Variants in BTBD3 observed in about 807,000 individuals in gnomAD.
BTBD3 encodes BTB/POZ domain-containing protein 3.
BTBD3 carries 14 observed loss-of-function variants against 41.6 expected under a neutral mutation model. That is an observed-to-expected ratio of 0.34 (90% confidence interval 0.22 to 0.53). BTBD3 has a LOEUF of 0.53. BTBD3 is among the 20% of genes least tolerant of loss of function. The pLI, the probability that BTBD3 is intolerant of heterozygous loss-of-function variation, is 0.95. For synonymous variants in BTBD3, 249 were observed against 233.7 expected, an observed-to-expected ratio of 1.07 and a Z score of -0.60; for missense variants, 426 against 654.7, an observed-to-expected ratio of 0.65 and a Z score of 3.81.
chr20:11,896,013 G>T lies in BTBD3; in HGVS notation c.-126+5059G>T, dbSNP rs559345407. On this transcript the variant is annotated intron_variant, in intron 1 of 4. Transcript: ENST00000254977. ...CTTACTGTCACTTAAGTGGGGTTTA[G>T]GGAAAGGGTGTAATTGGATATGTGT... 5.9e-5 allele frequency among the ~76,000 whole-genome samples: 9 copies of T among 152,274 alleles called. No homozygotes were observed. The South Asian group carries it at 1.0e-3, about 18-fold the overall frequency.
In BTBD3 at chr20:11,923,486, A is replaced by G. The variant is rs1466466492; in HGVS notation, c.1389A>G (p.Pro463=). 1.2e-6 allele frequency: 2 copies of G among 1,613,912 alleles called. No individual in the cohort carries two copies. Among genetic ancestry groups the G allele is most frequent in the Non-Finnish European group, 1.7e-6 (2 of 1,180,000 alleles). The part of the protein sequence containing the change: ...VWFEYPVQIE[P]DTFYTASVIL... ...TTGAATACCCAGTGCAGATCGAGCC[A>G]GACACCTTCTACACAGCCAGTGTGA... The change falls in exon 4 of 4, where the codon CCA becomes CCG. Residue 463 remains proline (P), a synonymous_variant. Coordinates refer to ENST00000378226, the MANE Select transcript of BTBD3 (RefSeq NM_014962.4). The surrounding 1 kb of genome is among the most constrained non-coding windows in gnomAD (Gnocchi z 5.3).
At chr20:11,896,009 T>G (rs2056784664) in intron 1 of BTBD3, among the ~76,000 whole-genome samples, 1 of 152,096 alleles carries the variant, frequency 6.6e-6, no homozygotes, top group South Asian at 2.1e-4. Context: ...TTAAGTGGGG[T>G]TTAGGGAAAG....
chr20:11,918,982 G>A, intron 1 of BTBD3, 104 bp from the exon 2 acceptor site: 1 of 803,362 alleles, frequency 1.2e-6, no homozygotes, highest in East Asian at 2.7e-5. Context: ...TGAAGTTACT[G>A]GACTGTTGCT....
intron 1 of BTBD3, among the ~76,000 whole-genome samples, chr20:11,911,556 C>T (rs2056889640): frequency 6.6e-6 from 1 of 151,572 alleles, no homozygotes; most frequent in Non-Finnish European, 1.5e-5. Flanking sequence ...CTAAGGATAG[C>T]CCATGAGCTA....
chr20:11,900,471 T>C lies in BTBD3; in HGVS notation c.-126+9517T>C, dbSNP rs78781027. On this transcript the variant is annotated intron_variant, in intron 1 of 4. Transcript: ENST00000254977. Reference sequence around the variant, plus strand: ...TGTTGCCTTTGTGAGAGTTTTTGTCTTTTAATGCCACCTAATTTCTTCTAC... The same window carrying C: ...TGTTGCCTTTGTGAGAGTTTTTGTCCTTTAATGCCACCTAATTTCTTCTAC... Among the ~76,000 whole-genome samples the C allele has an allele frequency of 3.8e-4, 58 of 152,340 alleles. No individual in the cohort carries two copies. The East Asian group carries it at 9.1e-3, about 24-fold the overall frequency.
rs768897473 is a variant in BTBD3, at chr20:11,923,144, C to T, written c.1047C>T (p.Phe349=). 1 of 1,614,184 alleles carries T rather than the reference C, an allele frequency of 6.2e-7. No individual in the cohort carries two copies. The highest frequency in any genetic ancestry group is 1.7e-5 in the Admixed American group (1 of 60,030). The part of the protein sequence containing the change: ...VLTLNETNDI[F]LWYTAAKKPE... ...CTCTCAATGAGACCAACGACATCTTCCTCTGGTATACTGCAGCCAAAAAGC... is the reference window on the plus strand; with the variant it reads ...CTCTCAATGAGACCAACGACATCTTTCTCTGGTATACTGCAGCCAAAAAGC... The change falls in exon 4 of 4, where the codon TTC becomes TTT. Residue 349 remains phenylalanine (F), a synonymous_variant. Transcript: ENST00000378226. The surrounding 1 kb of genome is among the most constrained non-coding windows in gnomAD (Gnocchi z 5.3).
chr20:11,919,575 T>C, intron 2 of BTBD3, 143 bp from the exon 3 acceptor site: 1 of 1,128,336 alleles, frequency 8.9e-7, no homozygotes, highest in Non-Finnish European at 1.3e-6. Context: ...CAAGCTACCC[T>C]GTGTACCTTG....
At chr20:11,906,355 C>G (rs2056854909) in intron 1 of BTBD3, among the ~76,000 whole-genome samples, 1 of 143,532 alleles carries the variant, frequency 7.0e-6, no homozygotes, top group Middle Eastern at 3.4e-3. Flanking sequence ...ACCTCTGCCT[C>G]CCAGGCTCAA....
intron 1 of BTBD3, 169 bp downstream of exon 1, chr20:11,918,770 T>C: frequency 1.4e-6 from 1 of 737,756 alleles, no homozygotes. Context: ...TACAGCTGTT[T>C]TCCTCTTAGA....
chr20:11,912,198 G>T (rs560236438), intron 1 of BTBD3, among the ~76,000 whole-genome samples: 1 of 152,278 alleles, frequency 6.6e-6, no homozygotes, highest in South Asian at 2.1e-4. Context: ...TTCAAACTGG[G>T]TCATTGTCGA....
chr20:11,922,139 T>C (rs548297397), intron 3 of BTBD3, among the ~76,000 whole-genome samples: 84 of 152,366 alleles, frequency 5.5e-4, no homozygotes, highest in Non-Finnish European at 1.0e-3. Context: ...GTCCATACTT[T>C]TGATAATCCA....
intron 2 of BTBD3, 103 bp downstream of exon 2, chr20:11,919,279 T>C (rs1350754858): frequency 6.6e-6 from 9 of 1,356,148 alleles, no homozygotes; most frequent in Non-Finnish European, 1.0e-6. Flanking sequence ...TGTCAGGCAG[T>C]GCATGTTTCA....
At chr20:11,892,217 A>G (rs1181242057) in intron 1 of BTBD3, among the ~76,000 whole-genome samples, 2 of 152,140 alleles carry the variant, frequency 1.3e-5, no homozygotes, top group Non-Finnish European at 2.9e-5. Flanking sequence ...ACTCAAAACA[A>G]TTGTTCTAAG....
At chr20:11,917,274 G>A (rs1191227980), upstream of BTBD3, among the ~76,000 whole-genome samples, 1 of 152,044 alleles carries the variant, frequency 6.6e-6, no homozygotes, top group African/African-American at 2.4e-5. Flanking sequence ...TTAGGTGTAC[G>A]GGTATAATCT....
Position 11,892,824 on chromosome 20 carries a change from T to A in BTBD3, c.-126+1870T>A, listed in dbSNP as rs188615341. On this transcript the variant is annotated intron_variant, in intron 1 of 4. Transcript: ENST00000254977. ...AAGTTATATCTTATATTTAAAAATT[T>A]AAAAAAAATATAACTCCACATCTGT... 1.4e-3 allele frequency among the ~76,000 whole-genome samples: 219 copies of A among 152,164 alleles called. 1 individual carries two copies. The highest frequency in any genetic ancestry group is 4.8e-3 in the African/African-American group (199 of 41,538).
intron 1 of BTBD3, among the ~76,000 whole-genome samples, chr20:11,907,316 C>T (rs2056860964): frequency 6.6e-6 from 1 of 152,186 alleles, no homozygotes; most frequent in African/African-American, 2.4e-5. Context: ...CCCCAGGACA[C>T]ATTTAATAGG....
At chr20:11,895,243 T>A (rs543743060) in intron 1 of BTBD3, among the ~76,000 whole-genome samples, 1 of 152,330 alleles carries the variant, frequency 6.6e-6, no homozygotes, top group East Asian at 1.9e-4. Flanking sequence ...AATCATAGAT[T>A]TAGAATATTT....
chr20:11,907,822 A>G lies in BTBD3; in HGVS notation c.-125-10512A>G, dbSNP rs780519667. Among the ~76,000 whole-genome samples, 12 of 152,290 alleles carry G rather than the reference A, an allele frequency of 7.9e-5. No individual in the cohort carries two copies. In the South Asian group the frequency reaches 1.0e-3, roughly 13 times the overall value. Reference sequence around the variant, plus strand: ...GTGGGTGAATGAAGAGGATGAGTCAAAAGATCTAATTGGGAATTGAGCCAG... The same window carrying G: ...GTGGGTGAATGAAGAGGATGAGTCAGAAGATCTAATTGGGAATTGAGCCAG... On this transcript the variant is annotated intron_variant, in intron 1 of 4. Coordinates refer to the BTBD3 transcript ENST00000254977.
In BTBD3 at chr20:11,923,287, T is replaced by A; in HGVS notation, c.1190T>A (p.Ile397Asn). ...QWRYRGRCDS[I>N]QFAVDKRVFI... Reference sequence around the variant, plus strand: ...CGCTATCGTGGTCGCTGTGACAGCATCCAGTTTGCAGTTGATAAAAGAGTG... The same window carrying A: ...CGCTATCGTGGTCGCTGTGACAGCAACCAGTTTGCAGTTGATAAAAGAGTG... The change falls in exon 4 of 4, where the codon ATC (isoleucine) becomes AAC (asparagine). Residue 397 changes from isoleucine to asparagine, a missense_variant. By Grantham distance (149) the Ile-to-Asn change is moderately radical. Coordinates refer to ENST00000378226, the MANE Select transcript of BTBD3 (RefSeq NM_014962.4). The surrounding 1 kb of genome is among the most constrained non-coding windows in gnomAD (Gnocchi z 5.3). 2 of 1,614,220 alleles carry A rather than the reference T, an allele frequency of 1.2e-6. No individual in the cohort carries two copies. Among genetic ancestry groups the A allele is most frequent in the Non-Finnish European group, 1.7e-6 (2 of 1,180,034 alleles).
Sources: gnomAD v4.1 joint callset for allele counts (sites outside exome capture counted in the v4.1 genomes callset) on GRCh38, gnomAD v4.1.1 for gene constraint, Gnocchi (gnomAD v3.1) non-coding constraint, MANE v1.5 for transcripts, NCBI Gene and HGNC (gene_info 2026-07-23, HGNC 2026-07-21) for gene names.